Variants in COL5A2 observed in about 807,000 individuals in gnomAD.
The protein encoded by COL5A2 is collagen alpha-2(V) chain.
A neutral mutation model predicts 208.2 loss-of-function variants in COL5A2; 23 were observed. That is an observed-to-expected ratio of 0.11 (90% CI 0.08 to 0.16). COL5A2 has a LOEUF of 0.16. COL5A2 is among the 10% of genes least tolerant of loss of function. COL5A2 has a pLI of 1.00. For synonymous variants in COL5A2, 625 were observed against 628.5 expected (o/e 0.99, Z 0.08); for missense variants, 1,590 against 1,956.4 (o/e 0.81, Z 3.53).
the COL5A2 span, among the ~76,000 whole-genome samples, chr2:189,387,563 C>T: frequency 0.049 from 7,514 of 152,186 alleles, 231 homozygotes; most frequent in African/African-American, 0.077. Flanking sequence ...TTATTGTATT[C>T]TGTTTGCTAA....
intron 23 of COL5A2, among the ~76,000 whole-genome samples, chr2:189,066,135 A>T (rs1203378369): frequency 2.0e-5 from 3 of 152,240 alleles, no homozygotes; most frequent in African/African-American, 7.2e-5. Flanking sequence ...CTAGGACCAT[A>T]GCCTTCTTGT....
At chr2:189,329,876 A>C in the COL5A2 span, among the ~76,000 whole-genome samples, 1 of 152,312 alleles carries the variant, frequency 6.6e-6, no homozygotes, top group South Asian at 2.1e-4. Context: ...ACTCTAACCA[A>C]TACAAAAACA....
chr2:189,200,865 C>T (rs887616293), intron 1 of COL5A2, among the ~76,000 whole-genome samples: 5 of 151,946 alleles, frequency 3.3e-5, no homozygotes, highest in Admixed American at 6.6e-5. Flanking sequence ...ATTCTTTCCC[C>T]AGCAAGCTAT....
chr2:189,264,114 C>T, the COL5A2 span, among the ~76,000 whole-genome samples: 1 of 151,936 alleles, frequency 6.6e-6, no homozygotes, highest in Admixed American at 6.6e-5. Context: ...TTCTTACATA[C>T]TAGCTACAAA....
chr2:189,429,167 AGGT>A, the COL5A2 span, among the ~76,000 whole-genome samples: 2 of 152,232 alleles, frequency 1.3e-5, no homozygotes, highest in Admixed American at 1.3e-4. Flanking sequence ...TTAATTAGGT[AGGT>A]TTAACCATTC....
At chr2:189,085,093 T>C in intron 11 of COL5A2, 67 bp downstream of exon 11, 6 of 1,270,734 alleles carry the variant, frequency 4.7e-6, no homozygotes, top group Non-Finnish European at 5.7e-6. Context: ...TACAGAACAT[T>C]CTTGTTAACA....
intron 1 of COL5A2, among the ~76,000 whole-genome samples, chr2:189,117,335 T>A (rs547915513): frequency 6.6e-6 from 1 of 152,276 alleles, no homozygotes. Flanking sequence ...AACTCTATAA[T>A]CTATACACTA....
intron 6 of COL5A2, among the ~76,000 whole-genome samples, chr2:189,093,821 G>A (rs1056314847): frequency 2.6e-5 from 4 of 152,154 alleles, no homozygotes; most frequent in Non-Finnish European, 5.9e-5. Context: ...ATATGAATGA[G>A]AGTAACATGA....
intron 6 of COL5A2, among the ~76,000 whole-genome samples, chr2:189,093,843 A>C (rs1366318660): frequency 2.0e-5 from 3 of 152,232 alleles, no homozygotes; most frequent in African/African-American, 7.2e-5. Context: ...CTGGATATGT[A>C]TATGACAGCA....
the COL5A2 span, among the ~76,000 whole-genome samples, chr2:189,275,182 T>A: frequency 0.14 from 21,469 of 152,122 alleles, 1,932 homozygotes; most frequent in South Asian, 0.2. Context: ...TATCTTTCTA[T>A]CACATGCCTT....
chr2:189,417,819 T>G, the COL5A2 span, among the ~76,000 whole-genome samples: 1 of 151,988 alleles, frequency 6.6e-6, no homozygotes, highest in African/African-American at 2.4e-5. Context: ...TGTGTGTATA[T>G]ATATATACAC....
intron 1 of COL5A2, among the ~76,000 whole-genome samples, chr2:189,166,351 C>T (rs1688463771): frequency 6.6e-6 from 1 of 151,762 alleles, no homozygotes; most frequent in Non-Finnish European, 1.5e-5. Context: ...TTTAAATCAC[C>T]TAAGACAGGA....
intron 7 of COL5A2, among the ~76,000 whole-genome samples, chr2:189,092,019 G>A (rs1299127217): frequency 1.3e-5 from 2 of 152,142 alleles, no homozygotes; most frequent in Middle Eastern, 3.2e-3. Context: ...TAAAGAGGGG[G>A]AAAGCAGTGG....
chr2:189,312,026 C>T, the COL5A2 span: 1 of 754,406 alleles, frequency 1.3e-6, no homozygotes, highest in African/African-American at 1.7e-5. Context: ...ACATGGCCAG[C>T]TCTGTCTCAT....
chr2:189,348,357 A>T, the COL5A2 span, among the ~76,000 whole-genome samples: 1 of 152,226 alleles, frequency 6.6e-6, no homozygotes, highest in African/African-American at 2.4e-5. Flanking sequence ...TCTAGAAAAA[A>T]AATGGCAAAT....
intron 1 of COL5A2, among the ~76,000 whole-genome samples, chr2:189,125,200 C>T (rs78426363): frequency 0.027 from 4,094 of 152,102 alleles, 201 homozygotes; most frequent in African/African-American, 0.094. Flanking sequence ...ATGTATCCAC[C>T]AATAGAAACT....
Position 189,045,873 on chromosome 2 carries a change from G to T in COL5A2, c.3236C>A (p.Pro1079Gln). ...AGTTCCAGGGGCACCCTGAGAGCCT[G>T]GCAGACCTGCAGGCCCAGGGTCTCC... ...DRGDPGPAGL[P>Q]GSQGAPGTPG... The change falls in exon 46 of 54, where the codon CCA (proline) becomes CAA (glutamine). Residue 1079 changes from proline (P) to glutamine (Q), a missense_variant. By Grantham distance (76) the Pro-to-Gln change is moderately conservative (BLOSUM62 -1). Coordinates refer to ENST00000374866, the MANE Select transcript of COL5A2 (RefSeq NM_000393.5). 1 of 1,614,140 alleles carries T rather than the reference G, an allele frequency of 6.2e-7. No individual in the cohort carries two copies.
the COL5A2 span, among the ~76,000 whole-genome samples, chr2:189,420,997 G>A: frequency 6.6e-6 from 1 of 151,914 alleles, no homozygotes; most frequent in South Asian, 2.1e-4. Flanking sequence ...TAATGCTATT[G>A]TTTAATACTA....
chr2:189,259,496 G>C, the COL5A2 span, among the ~76,000 whole-genome samples: 1 of 152,112 alleles, frequency 6.6e-6, no homozygotes, highest in Non-Finnish European at 1.5e-5. Context: ...TAAGTTTAGG[G>C]AATATGATTA....
Sources: allele counts gnomAD v4.1 joint callset (sites outside exome capture counted in the v4.1 genomes callset), GRCh38; gene constraint gnomAD v4.1.1; transcripts MANE v1.5; gene names NCBI Gene and HGNC (gene_info 2026-07-23, HGNC 2026-07-21).